The following SLC14A2 variants were observed in gnomAD, a reference collection of about 807,000 sequenced individuals.
SLC14A2 encodes urea transporter 2.
Under a neutral mutation model 104.6 loss-of-function variants are expected in SLC14A2, and 91 were observed. The observed-to-expected ratio is 0.87, with a 90% CI of 0.73 to 1.04. SLC14A2 has a LOEUF of 1.04. Ranked by LOEUF, SLC14A2 falls within the 50% of genes least tolerant of loss-of-function variation. The pLI is 0.00. For synonymous variants in SLC14A2, 476 were observed against 466.4 expected, an observed-to-expected ratio of 1.02 and a Z score of -0.27; for missense variants, 1,189 against 1,156.0, an observed-to-expected ratio of 1.03 and a Z score of -0.41.
At chr18:45,598,049 A>G (rs1791151) in intron 2 of SLC14A2, among the ~76,000 whole-genome samples, 113,728 of 151,794 alleles carry the variant, frequency 0.75, 42,878 homozygotes, top group East Asian at 0.85. Flanking sequence ...TACATTTTGC[A>G]TTTTACTGAA....
chr18:45,591,402 C>A (rs1254202734), intron 2 of SLC14A2, among the ~76,000 whole-genome samples: 1 of 152,212 alleles, frequency 6.6e-6, no homozygotes, highest in Non-Finnish European at 1.5e-5. Flanking sequence ...GTGGTGCGAT[C>A]TCAGCTCACT....
intron 1 of SLC14A2, among the ~76,000 whole-genome samples, chr18:45,473,989 A>G (rs556429481): frequency 6.6e-6 from 1 of 152,288 alleles, no homozygotes; most frequent in South Asian, 2.1e-4. Context: ...GTTTTTGCCC[A>G]TTCAGTATGA....
chr18:45,543,631 C>T (rs775809446), intron 2 of SLC14A2, among the ~76,000 whole-genome samples: 3 of 152,178 alleles, frequency 2.0e-5, no homozygotes, highest in Non-Finnish European at 4.4e-5. Context: ...CACCTGTAAC[C>T]CTTTCCCTTT....
intron 2 of SLC14A2, among the ~76,000 whole-genome samples, chr18:45,537,032 T>G (rs921497550): frequency 3.7e-5 from 1 of 27,014 alleles, no homozygotes; most frequent in East Asian, 1.9e-3. Flanking sequence ...CCTCCCTCCC[T>G]CCCTCCCTCC....
At chr18:45,359,957 C>A (rs550635462) in intron 1 of SLC14A2, among the ~76,000 whole-genome samples, 2 of 152,316 alleles carry the variant, frequency 1.3e-5, no homozygotes, top group Non-Finnish European at 2.9e-5. Flanking sequence ...AAACTCACTG[C>A]AATCTCCACT....
At chr18:45,260,893 A>C (rs756286973) in intron 1 of SLC14A2, among the ~76,000 whole-genome samples, 6 of 152,110 alleles carry the variant, frequency 3.9e-5, no homozygotes, top group Non-Finnish European at 8.8e-5. Context: ...GGGTATGATG[A>C]TCACCACCAG....
chr18:45,411,201 ATG>A (rs746473349), intron 1 of SLC14A2, among the ~76,000 whole-genome samples: 3 of 151,774 alleles, frequency 2.0e-5, no homozygotes, highest in African/African-American at 4.8e-5. Context: ...TCTGTGTGCT[ATG>A]TGTGTGTGTG....
chr18:45,532,194 G>C (rs2043703967), intron 2 of SLC14A2, among the ~76,000 whole-genome samples: 1 of 151,934 alleles, frequency 6.6e-6, no homozygotes, highest in African/African-American at 2.4e-5. Context: ...GCTCTTTTTT[G>C]GTTCCATACG....
chr18:45,643,990 G>T lies in SLC14A2; in HGVS notation c.1181G>T (p.Gly394Val). Residue 394 changes from glycine to valine, a missense_variant, in exon 10 of 20, where the codon GGC becomes GTC. Gly to Val is a moderately radical substitution (Grantham distance 109, BLOSUM62 -3). Coordinates refer to ENST00000255226, the MANE Select transcript of SLC14A2 (RefSeq NM_007163.4). ...CCCCAATGCTTTTGTTTCCAGGTGG[G>T]CGTGCCACCAGGCACCTGGGCCTTC... ...AAISNIMSVV[G>V]VPPGTWAFCL... The T allele has an allele frequency of 6.2e-7, 1 of 1,613,580 alleles. No homozygotes were observed. Among genetic ancestry groups the T allele is most frequent in the South Asian group, 1.1e-5 (1 of 91,020 alleles).
intron 1 of SLC14A2, among the ~76,000 whole-genome samples, chr18:45,296,746 G>A (rs977524321): frequency 6.6e-6 from 1 of 152,318 alleles, no homozygotes; most frequent in South Asian, 2.1e-4. Flanking sequence ...TTTCGGAAGA[G>A]CAGTAGTCTC....
intron 1 of SLC14A2, among the ~76,000 whole-genome samples, chr18:45,432,838 G>A (rs1312214985): frequency 6.6e-6 from 1 of 152,134 alleles, no homozygotes; most frequent in African/African-American, 2.4e-5. Flanking sequence ...CTGACCCTGA[G>A]TCATTAAATC....
chr18:45,593,558 C>T (rs1452297968), intron 2 of SLC14A2, among the ~76,000 whole-genome samples: 4 of 129,278 alleles, frequency 3.1e-5, no homozygotes, highest in Non-Finnish European at 4.7e-5. Flanking sequence ...GGCACGATCT[C>T]GGCTCACTGC....
intron 1 of SLC14A2, among the ~76,000 whole-genome samples, chr18:45,480,844 A>G (rs1256657496): frequency 1.3e-5 from 2 of 152,198 alleles, no homozygotes; most frequent in African/African-American, 4.8e-5. Flanking sequence ...TGCTCTCTCT[A>G]ATTTAATGCT....
At chr18:45,482,345 G>A (rs1476629810) in intron 1 of SLC14A2, among the ~76,000 whole-genome samples, 4 of 152,136 alleles carry the variant, frequency 2.6e-5, no homozygotes, top group Non-Finnish European at 4.4e-5. Flanking sequence ...GTTATCTATG[G>A]CTGTTTTACA....
the SLC14A2 span, among the ~76,000 whole-genome samples, chr18:45,183,131 C>A: frequency 6.6e-6 from 1 of 152,252 alleles, no homozygotes; most frequent in South Asian, 2.1e-4. Context: ...GTACTGTTTG[C>A]GCTGGCTTCC....
chr18:45,181,579 C>T, the SLC14A2 span, among the ~76,000 whole-genome samples: 1 of 152,036 alleles, frequency 6.6e-6, no homozygotes, highest in African/African-American at 2.4e-5. Context: ...TTATAAAATT[C>T]CCAGATACAT....
chr18:45,588,128 T>C (rs993448792), intron 2 of SLC14A2, among the ~76,000 whole-genome samples: 1 of 152,112 alleles, frequency 6.6e-6, no homozygotes, highest in African/African-American at 2.4e-5. Context: ...TTCTTCTATG[T>C]AGCTCCAGAG....
intron 2 of SLC14A2, among the ~76,000 whole-genome samples, chr18:45,582,507 GTTTAT>G (rs2044508129): frequency 6.6e-6 from 1 of 152,108 alleles, no homozygotes; most frequent in South Asian, 2.1e-4. Context: ...TTCATTTCAA[GTTTAT>G]TTTATGAGAA....
rs563893167 is a variant in SLC14A2, at chr18:45,360,404, T to C, written c.-124-122829T>C. ...GAGTAAAGTCTGGGCACTGAATAAC[T>C]ACTCATTTAATTTCTACCTCTCCTA... is the stretch of plus-strand genomic sequence containing the variant. On this transcript the variant is annotated intron_variant, in intron 1 of 20. Coordinates refer to the SLC14A2 transcript ENST00000586448. Among the ~76,000 whole-genome samples the C allele has an allele frequency of 4.6e-5, 7 of 152,364 alleles. No homozygotes were observed. The East Asian group carries it at 9.6e-4, about 21-fold the overall frequency.
Sources: allele counts gnomAD v4.1 joint callset (sites outside exome capture counted in the v4.1 genomes callset), GRCh38; gene constraint gnomAD v4.1.1; transcripts MANE v1.5; gene names NCBI Gene and HGNC (gene_info 2026-07-23, HGNC 2026-07-21).